The following EXOC6B variants were observed in gnomAD, a reference collection of about 807,000 sequenced individuals.
The protein encoded by EXOC6B is SEC15 homolog B.
EXOC6B carries 54 observed loss-of-function variants against 113.5 expected under a neutral mutation model. The observed-to-expected ratio is 0.48, with a 90% CI of 0.38 to 0.60. The LOEUF is 0.60. Among genes scored for constraint, EXOC6B ranks in the 20% least tolerant of loss-of-function variants. The pLI, the probability that EXOC6B is intolerant of heterozygous loss-of-function variation, is 0.00. For missense variants in EXOC6B, 797 were observed against 977.5 expected (o/e 0.82, Z 2.46); for synonymous variants, 357 against 339.0 (o/e 1.05, Z -0.58).
At chr2:72,715,965 AT>A (rs1212248014) in intron 6 of EXOC6B, among the ~76,000 whole-genome samples, 3 of 152,178 alleles carry the variant, frequency 2.0e-5, no homozygotes, top group Non-Finnish European at 4.4e-5. Flanking sequence ...ATGAAAAGAT[AT>A]TTGATGACCA....
chr2:72,754,602 TA>T (rs1682281091), intron 1 of EXOC6B, among the ~76,000 whole-genome samples: 1 of 151,142 alleles, frequency 6.6e-6, no homozygotes, highest in Admixed American at 6.6e-5. Flanking sequence ...ATTTTTTTAA[TA>T]GCTTTTTTTT....
At chr2:72,394,012 CT>C (rs1692561566) in intron 18 of EXOC6B, among the ~76,000 whole-genome samples, 1 of 152,116 alleles carries the variant, frequency 6.6e-6, no homozygotes, top group Admixed American at 6.6e-5. Flanking sequence ...TGACTTTAAC[CT>C]TTGTCTCAAT....
intron 6 of EXOC6B, among the ~76,000 whole-genome samples, chr2:72,587,379 A>G (rs890778870): frequency 3.3e-5 from 5 of 152,168 alleles, no homozygotes; most frequent in Admixed American, 2.6e-4. Context: ...AATCATGGAC[A>G]TAAAGATGGC....
chr2:72,554,904 C>G (rs927610620), intron 8 of EXOC6B, among the ~76,000 whole-genome samples: 8 of 152,256 alleles, frequency 5.3e-5, no homozygotes, highest in South Asian at 2.1e-4. Flanking sequence ...ATCCCTCCCC[C>G]AGACCCCCAA....
At chr2:72,553,822 A>G (rs1408065597) in intron 8 of EXOC6B, among the ~76,000 whole-genome samples, 1 of 152,202 alleles carries the variant, frequency 6.6e-6, no homozygotes, top group Non-Finnish European at 1.5e-5. Flanking sequence ...ACTTGTTATA[A>G]TATGTCTGAA....
At chr2:72,552,121 A>C (rs1423010926) in intron 8 of EXOC6B, among the ~76,000 whole-genome samples, 1 of 152,226 alleles carries the variant, frequency 6.6e-6, no homozygotes, top group Non-Finnish European at 1.5e-5. Context: ...ACCACATGCC[A>C]AGTAATGTTG....
chr2:72,572,441 C>T (rs1208519479), intron 7 of EXOC6B, among the ~76,000 whole-genome samples: 1 of 152,158 alleles, frequency 6.6e-6, no homozygotes, highest in Non-Finnish European at 1.5e-5. Flanking sequence ...ATTCCACAAA[C>T]CCCCTGAAAT....
At chr2:72,548,404 T>C (rs1703024608) in intron 8 of EXOC6B, among the ~76,000 whole-genome samples, 1 of 152,156 alleles carries the variant, frequency 6.6e-6, no homozygotes, top group Non-Finnish European at 1.5e-5. Flanking sequence ...TCGGTTTCAC[T>C]AAAAATAATA....
At chr2:72,377,242 A>T (rs572712282) in intron 19 of EXOC6B, among the ~76,000 whole-genome samples, 35 of 152,204 alleles carry the variant, frequency 2.3e-4, no homozygotes, top group Non-Finnish European at 5.0e-4. Context: ...ATCCTTGTGC[A>T]TTATTGGTGG....
chr2:72,272,621 C>A (rs976164492), intron 20 of EXOC6B, among the ~76,000 whole-genome samples: 1 of 152,120 alleles, frequency 6.6e-6, no homozygotes, highest in African/African-American at 2.4e-5. Flanking sequence ...GCTTCTGTTA[C>A]CTGCTTAGAG....
intron 8 of EXOC6B, among the ~76,000 whole-genome samples, chr2:72,554,123 CTT>C (rs1703399234): frequency 6.6e-6 from 1 of 152,170 alleles, no homozygotes; most frequent in East Asian, 1.9e-4. Context: ...AGAAAACAAT[CTT>C]GTTTGTGCCC....
chr2:72,676,622 C>A (rs910558930), intron 6 of EXOC6B, among the ~76,000 whole-genome samples: 1 of 152,140 alleles, frequency 6.6e-6, no homozygotes, highest in Admixed American at 6.6e-5. Context: ...CTGGCCTTCA[C>A]AGAATCAGAA....
At chr2:72,589,374 T>G (rs1354504788) in intron 6 of EXOC6B, among the ~76,000 whole-genome samples, 1 of 152,004 alleles carries the variant, frequency 6.6e-6, no homozygotes, top group Non-Finnish European at 1.5e-5. Context: ...TTGAAATAAC[T>G]AATTCAAAGG....
intron 18 of EXOC6B, among the ~76,000 whole-genome samples, chr2:72,457,788 T>A (rs1478369319): frequency 6.6e-6 from 1 of 152,092 alleles, no homozygotes; most frequent in Non-Finnish European, 1.5e-5. Context: ...AAAATATTAT[T>A]ATAATCATTT....
At chr2:72,377,437 G>C (rs1272498831) in intron 19 of EXOC6B, among the ~76,000 whole-genome samples, 5 of 152,062 alleles carry the variant, frequency 3.3e-5, no homozygotes, top group Admixed American at 3.3e-4. Context: ...CAATAGCCAA[G>C]ATATGGAATC....
chr2:72,454,026 A>G (rs1697063012), intron 18 of EXOC6B, among the ~76,000 whole-genome samples: 1 of 152,186 alleles, frequency 6.6e-6, no homozygotes, highest in Non-Finnish European at 1.5e-5. Context: ...TCTCACTATC[A>G]TATGAACAGC....
intron 7 of EXOC6B, 129 bp from the exon 8 acceptor site, chr2:72,559,650 A>G (rs1254337675): frequency 3.2e-6 from 2 of 634,552 alleles, no homozygotes; most frequent in Non-Finnish European, 5.3e-6. Context: ...AGAAATACAA[A>G]ACAAACAAAA....
At chr2:72,407,845 G>C (rs1693887270) in intron 18 of EXOC6B, among the ~76,000 whole-genome samples, 1 of 152,182 alleles carries the variant, frequency 6.6e-6, no homozygotes, top group Non-Finnish European at 1.5e-5. Context: ...GTTCAACATA[G>C]TGTTGGAAGT....
chr2:72,621,300 T>C (rs1671729720), intron 6 of EXOC6B, among the ~76,000 whole-genome samples: 1 of 152,142 alleles, frequency 6.6e-6, no homozygotes, highest in South Asian at 2.1e-4. Context: ...GTGGTATATA[T>C]ATATCATGGA....
Sources: gnomAD v4.1 joint callset for allele counts (sites outside exome capture counted in the v4.1 genomes callset) on GRCh38, gnomAD v4.1.1 for gene constraint, MANE v1.5 for transcripts, NCBI Gene and HGNC (gene_info 2026-07-23, HGNC 2026-07-21) for gene names.